WDHD1: variants seen among roughly 807,000 people sequenced by gnomAD.
The protein encoded by WDHD1 is WD repeat and HMG-box DNA binding protein 1.
WDHD1 carries 111 observed loss-of-function variants against 135.4 expected under a neutral mutation model. The observed-to-expected ratio is 0.82, with a 90% CI of 0.70 to 0.96. The LOEUF (loss-of-function observed/expected upper bound fraction) is 0.96, where lower values mean the gene tolerates loss of function less well. WDHD1 is among the 40% of genes least tolerant of loss of function. The pLI is 0.00. For missense variants in WDHD1, 1,351 were observed against 1,336.3 expected (o/e 1.01, Z -0.17); for synonymous variants, 434 against 439.0 (o/e 0.99, Z 0.14).
rs1194859427 is a variant in WDHD1 at position 55,008,682 on chromosome 14, T to C, written c.379A>G (p.Ser127Gly). ...TGTCCTCGAAATGTTTTCTGTTGGC[T>C]GCTATCCATCACATCCACAATTTTG... ...LVKIVDVMDS[S>G]QQKTFRGHDA... The change falls in exon 5 of 26, where the codon AGC becomes GGC. Residue 127 changes from serine (S) to glycine (G), a missense_variant. Around this residue, in one of 2 missense-constraint regions of WDHD1, gnomAD observed 1,330 missense variants for 1,296.1 expected, o/e 1.03. Coordinates refer to ENST00000360586, the MANE Select transcript of WDHD1 (RefSeq NM_007086.4). 1 of 1,613,528 alleles carries C rather than the reference T, an allele frequency of 6.2e-7. No homozygotes were observed. Among genetic ancestry groups the C allele is most frequent in the East Asian group, 2.2e-5 (1 of 44,868 alleles).
chr14:54,987,195 C>T lies in WDHD1; in HGVS notation c.1719G>A (p.Val573=). ...GTTCTCCATGTCCTGCCATTGACAC[C>T]ACAGGTCCAGCAAGGCTGAATACCT... ...QKEVFSLAGP[V]VSMAGHGEQL... is the part of the protein sequence containing the mutation. Residue 573 remains valine, a synonymous_variant, in exon 14 of 26, where the codon GTG becomes GTA. Coordinates refer to ENST00000360586, the MANE Select transcript of WDHD1 (RefSeq NM_007086.4). 6.2e-7 allele frequency: 1 copy of T among 1,613,994 alleles called. No homozygotes were observed. The highest frequency in any genetic ancestry group is 8.5e-7 in the Non-Finnish European group (1 of 1,179,996).
At chr14:54,969,349 A>G (rs982742633) in intron 16 of WDHD1, among the ~76,000 whole-genome samples, 3 of 151,894 alleles carry the variant, frequency 2.0e-5, no homozygotes, top group East Asian at 1.9e-4. Context: ...TCAAGAAAAA[A>G]AAAAAAAAAA....
chr14:55,026,752 A>G lies in WDHD1; in HGVS notation c.36T>C (p.His12=). ...PATRKPMRYG[H]TEGHTEVCFD... is the part of the protein sequence containing the mutation. Reference sequence around the variant, plus strand: ...AACAGACCTCCGTGTGTCCCTCTGTATGCCCATATCTCATTGGCTTCCGTG... The same window carrying G: ...AACAGACCTCCGTGTGTCCCTCTGTGTGCCCATATCTCATTGGCTTCCGTG... Residue 12 remains histidine, a synonymous_variant, in exon 2 of 26, where the codon CAT becomes CAC. Coordinates refer to ENST00000360586, the MANE Select transcript of WDHD1 (RefSeq NM_007086.4). The G allele has an allele frequency of 1.9e-6, 3 of 1,614,226 alleles. No homozygotes were observed. The highest frequency in any genetic ancestry group is 2.5e-6 in the Non-Finnish European group (3 of 1,180,030).
chr14:55,017,563 G>A (rs1335680613), intron 2 of WDHD1, among the ~76,000 whole-genome samples: 2 of 152,052 alleles, frequency 1.3e-5, no homozygotes, highest in South Asian at 4.1e-4. Flanking sequence ...GCCTGGTCTC[G>A]AACTCTTGAC....
At chr14:55,003,768 T>G (rs189468315) in intron 7 of WDHD1, among the ~76,000 whole-genome samples, 1 of 152,162 alleles carries the variant, frequency 6.6e-6, no homozygotes, top group East Asian at 1.9e-4. Flanking sequence ...CTTATCATGT[T>G]GGCCAGGCTG....
At chr14:55,020,319 T>C (rs555752543) in intron 2 of WDHD1, among the ~76,000 whole-genome samples, 1 of 152,310 alleles carries the variant, frequency 6.6e-6, no homozygotes, top group South Asian at 2.1e-4. Flanking sequence ...GGCCTCCACA[T>C]TGCTAAATCT....
intron 16 of WDHD1, among the ~76,000 whole-genome samples, chr14:54,980,477 A>T (rs1166819459): frequency 1.3e-5 from 2 of 152,108 alleles, no homozygotes; most frequent in Non-Finnish European, 2.9e-5. Flanking sequence ...CAGCAGCAGT[A>T]CTTCCCAAAC....
chr14:55,026,959 T>C (rs2140238641), intron 1 of WDHD1, 69 bp downstream of exon 1: 1 of 660,308 alleles, frequency 1.5e-6, no homozygotes, highest in South Asian at 1.8e-5. Flanking sequence ...AGAGGGTCTG[T>C]CAGACAATAA....
chr14:55,026,926 G>A lies in WDHD1; in HGVS notation c.-17+102C>T, dbSNP rs527237595. 4.3e-5 allele frequency: 36 copies of A among 842,006 alleles called. No homozygotes were observed. The South Asian group carries it at 4.8e-4, about 11-fold the overall frequency. 52.2% of individuals were successfully genotyped at this position (842,006 alleles called of 1,614,324 possible). On this transcript the variant is annotated intron_variant, in intron 1 of 25. Coordinates refer to ENST00000360586, the MANE Select transcript of WDHD1 (RefSeq NM_007086.4). ...CTCCGCAGCCCGGTTTCCCCCACCC[G>A]AGTGACACCAGCGGGATAAGGCAGA...
intron 2 of WDHD1, among the ~76,000 whole-genome samples, chr14:55,026,414 C>CAGT (rs773314219): frequency 1.3e-5 from 2 of 152,052 alleles, no homozygotes; most frequent in Non-Finnish European, 2.9e-5. Flanking sequence ...GACAAGTAGG[C>CAGT]AGTAACTAGT....
chr14:55,003,709 G>C (rs999214221), intron 7 of WDHD1, among the ~76,000 whole-genome samples: 2 of 151,232 alleles, frequency 1.3e-5, no homozygotes, highest in African/African-American at 4.9e-5. Context: ...GACTACAGGC[G>C]CACACCACCA....
At chr14:55,011,916 A>G (rs1274968126) in intron 3 of WDHD1, among the ~76,000 whole-genome samples, 1 of 152,060 alleles carries the variant, frequency 6.6e-6, no homozygotes, top group African/African-American at 2.4e-5. Context: ...TTGTGCTTTT[A>G]CTATCCTTTT....
rs368542276 is a variant in WDHD1 at position 54,987,394 on chromosome 14, A to C, written c.1527-7T>G. 2.7e-5 allele frequency: 43 copies of C among 1,603,584 alleles called. No individual in the cohort carries two copies. The highest frequency in any genetic ancestry group is 1.7e-6 in the Non-Finnish European group (2 of 1,175,324). On this transcript the variant is annotated splice_polypyrimidine_tract_variant and splice_region_variant and intron_variant, in intron 13 of 25. Coordinates refer to ENST00000360586, the MANE Select transcript of WDHD1 (RefSeq NM_007086.4). ...GTGCAGGCAGTGAAGCTTGCTAAAA[A>C]TTAAAACAAGACAGAAACAATCAAA...
chr14:54,969,343 G>GAAAAA (rs141857558), intron 16 of WDHD1, among the ~76,000 whole-genome samples: 2 of 119,520 alleles, frequency 1.7e-5, no homozygotes, highest in Non-Finnish European at 3.6e-5. Flanking sequence ...TCCGTTTCAA[G>GAAAAA]AAAAAAAAAA....
chr14:55,003,538 T>C (rs1220604322), intron 7 of WDHD1, among the ~76,000 whole-genome samples: 1 of 149,380 alleles, frequency 6.7e-6, no homozygotes, highest in Non-Finnish European at 1.5e-5. Flanking sequence ...GAAAAAATAA[T>C]TTTAAAAGCC....
intron 16 of WDHD1, among the ~76,000 whole-genome samples, chr14:54,980,802 TAAAAAAAA>T (rs375441329): frequency 1.2e-5 from 1 of 83,598 alleles, no homozygotes; most frequent in Non-Finnish European, 2.3e-5. Context: ...AGACTCCACA[TAAAAAAAA>T]AAAAAAAAAA....
Position 54,963,083 on chromosome 14 carries a change from A to T in WDHD1, c.2400T>A (p.Ala800=). 1 of 1,609,786 alleles carries T rather than the reference A, an allele frequency of 6.2e-7. No individual in the cohort carries two copies. ...CCAGTATTAATTTCCGAGAGCGAGA[A>T]GCATATTTAATGGCTAAATTCACAG... ...QNAVNLAIKY[A]SRSRKLILAQ... The change falls in exon 19 of 26, where the codon GCT becomes GCA. Residue 800 remains alanine (A), a synonymous_variant. Transcript: ENST00000360586.
chr14:55,007,653 T>C (rs1408095895), intron 6 of WDHD1, among the ~76,000 whole-genome samples: 1 of 152,130 alleles, frequency 6.6e-6, no homozygotes, highest in East Asian at 1.9e-4. Context: ...AAAACCCCAA[T>C]ACGTGAAATT....
Position 55,003,587 on chromosome 14 carries a change from C to CTATATATATATATATATA in WDHD1, c.601-1403_601-1402insTATATATATATATATATA, listed in dbSNP as rs140023951. ...TGTATAAAAAAGAAAGAAAAACGAACTATATATATATAGTTGCCCAGGCTG... is the reference window on the plus strand; with the variant it reads ...TGTATAAAAAAGAAAGAAAAACGAACTATATATATATATATATATATATATATATAGTTGCCCAGGCTG... On this transcript the variant is annotated intron_variant, in intron 7 of 25. Transcript: ENST00000360586. Among the ~76,000 whole-genome samples, 1,159 of 143,684 alleles carry CTATATATATATATATATA rather than the reference C, an allele frequency of 8.1e-3. 80 individuals carry two copies. Among genetic ancestry groups the CTATATATATATATATATA allele is most frequent in the African/African-American group, 0.032 (1,097 of 34,274 alleles). The allele number at this position is 143,684 out of a possible 152,430, so 94.3% of individuals were successfully genotyped here. A position where few individuals can be genotyped will look rare whatever the true frequency, so the allele number is the denominator to read the frequency against.
Sources: gnomAD v4.1 joint callset for allele counts (sites outside exome capture counted in the v4.1 genomes callset) on GRCh38, gnomAD v4.1.1 for gene constraint, gnomAD v4.1.1 regional missense constraint, MANE v1.5 for transcripts, NCBI Gene and HGNC (gene_info 2026-07-23, HGNC 2026-07-21) for gene names.